RAPGEF3: variants seen among roughly 807,000 people sequenced by gnomAD.
RAPGEF3 encodes the protein 9330170P05Rik.
RAPGEF3 carries 103 observed loss-of-function variants against 129.8 expected under a neutral mutation model. The ratio of observed to expected loss-of-function variants is 0.79; its 90% CI spans 0.68 to 0.93. The LOEUF is 0.93. RAPGEF3 is among the 40% of genes least tolerant of loss of function. The pLI is 0.00. For synonymous variants in RAPGEF3, 436 were observed against 482.6 expected (o/e 0.90, Z 1.26); for missense variants, 1,117 against 1,207.4 (o/e 0.93, Z 1.11).
In RAPGEF3 at chr12:47,737,661, C is replaced by A. The variant is rs755827558; in HGVS notation, c.2678G>T (p.Arg893Leu). Residue 893 changes from arginine (R) to leucine (L), a missense_variant, in exon 28 of 28, where the codon CGG becomes CTG. Physicochemically the swap from Arg to Leu is moderately radical, Grantham distance 102 (BLOSUM62 -2). This residue lies in a region of RAPGEF3 where 643 missense variants were observed against 673.4 expected (regional missense o/e 0.95). Transcript: ENST00000449771. ...ATAAGCCCAGGTGCTGGCTGGACTC[C>A]GGGTGCTCAGGGACTGCTCCGAGCC... ...STCSEQSLST[R>L]SPASTWAYVQ... 2.5e-6 allele frequency: 4 copies of A among 1,613,286 alleles called. No individual in the cohort carries two copies. Among genetic ancestry groups the A allele is most frequent in the Admixed American group, 1.7e-5 (1 of 59,958 alleles).
At chr12:47,746,370 C>T (rs1941418348) in intron 16 of RAPGEF3, 2 of 445,558 alleles carry the variant, frequency 4.5e-6, no homozygotes, top group Non-Finnish European at 4.0e-6. Flanking sequence ...AGTTCTTTCT[C>T]CCACCATTCC....
chr12:47,741,897 A>G (rs999866820), intron 18 of RAPGEF3: 10 of 437,474 alleles, frequency 2.3e-5, no homozygotes, highest in Non-Finnish European at 4.2e-5. Context: ...AGACAATAAG[A>G]CTTGCCCCAA....
chr12:47,743,386 C>T, intron 18 of RAPGEF3, 144 bp downstream of exon 18: 1 of 1,149,606 alleles, frequency 8.7e-7, no homozygotes, highest in Non-Finnish European at 1.2e-6. Context: ...AACAGACGCA[C>T]TCCACCTCCC....
At chr12:47,758,189 G>A in intron 1 of RAPGEF3, 111 bp from the exon 2 acceptor site, 1 of 1,447,588 alleles carries the variant, frequency 6.9e-7, no homozygotes, top group Non-Finnish European at 9.1e-7. Flanking sequence ...GGACTGGTCA[G>A]GCGGAGGTGC....
Position 47,735,735 on chromosome 12 carries a change from G to C in RAPGEF3, c.*1832C>G, listed in dbSNP as rs115665174. Reference sequence around the variant, plus strand: ...CGTGGCACTTGGTTTCTGTTGTGTCGCTGGGCTGGGCTCACCCTAGAGTCT... The same window carrying C: ...CGTGGCACTTGGTTTCTGTTGTGTCCCTGGGCTGGGCTCACCCTAGAGTCT... On this transcript the variant is annotated 3_prime_UTR_variant, in exon 28 of 28. Coordinates refer to ENST00000449771, the MANE Select transcript of RAPGEF3 (RefSeq NM_001098531.4). 1 of 152,574 alleles carries C rather than the reference G, an allele frequency of 6.6e-6. No homozygotes were observed. The highest frequency in any genetic ancestry group is 1.9e-4 in the East Asian group (1 of 5,184). The allele number at this position is 152,574 out of a possible 1,614,324, so 9.5% of individuals were successfully genotyped here.
Position 47,749,896 on chromosome 12 carries a change from C to T in RAPGEF3, c.817+34G>A, listed in dbSNP as rs373179910. On this transcript the variant is annotated intron_variant, in intron 8 of 27. Coordinates refer to ENST00000449771, the MANE Select transcript of RAPGEF3 (RefSeq NM_001098531.4). This position sits in a 1 kb window ranked among gnomAD's most constrained non-coding sequence, Gnocchi z 4.5. ...ACATCCTTCTGCCCATGTCCAGGCCCTGTGCCTGGCTTCTTATGCCCTGCT... is the reference window on the plus strand; with the variant it reads ...ACATCCTTCTGCCCATGTCCAGGCCTTGTGCCTGGCTTCTTATGCCCTGCT... 62 of 1,614,148 alleles carry T rather than the reference C, an allele frequency of 3.8e-5. 2 individuals are homozygous for T. In the African/African-American group the frequency reaches 7.6e-4, roughly 20 times the overall value.
intron 12 of RAPGEF3, 44 bp downstream of exon 12, chr12:47,748,410 C>T (rs756985398): frequency 1.3e-6 from 2 of 1,556,394 alleles, no homozygotes; most frequent in Non-Finnish European, 1.8e-6. Flanking sequence ...CTCCATGGAC[C>T]ACCCAATGAG....
chr12:47,741,124 T>C (rs1941138534), intron 19 of RAPGEF3, 84 bp from the exon 20 acceptor site: 4 of 1,468,490 alleles, frequency 2.7e-6, no homozygotes, highest in African/African-American at 1.4e-5. Context: ...GGGCAAGGAC[T>C]CTATGCTCGT....
rs1222965843 is a variant in RAPGEF3 at position 47,739,206 on chromosome 12, A to G, written c.2398T>C (p.Tyr800His). 1.2e-6 allele frequency: 2 copies of G among 1,612,080 alleles called. No individual in the cohort carries two copies. The highest frequency in any genetic ancestry group is 1.7e-6 in the Non-Finnish European group (2 of 1,178,718). ...GAGAGCTTGGCGAGGGCCAGTCGGT[A>G]TACCCGGTGGTTCCATGAGGGATCC... Reference protein sequence around the residue: ...LLDPSWNHRVYRLALAKLSPP... With the variant: ...LLDPSWNHRVHRLALAKLSPP... Residue 800 changes from tyrosine to histidine, a missense_variant, in exon 24 of 28, where the codon TAC becomes CAC. By Grantham distance (83) the Tyr-to-His change is moderately conservative (BLOSUM62 2). Coordinates refer to ENST00000449771, the MANE Select transcript of RAPGEF3 (RefSeq NM_001098531.4).
In RAPGEF3 at chr12:47,743,602, CCT is replaced by C; in HGVS notation, c.1751_1752del (p.Glu584GlyfsTer25). ...TCCTCCTGGGCCAACGCTGCCATCACCTCTCTCACGGAGGCTGTCACAGGCAG... is the reference window on the plus strand; with the variant it reads ...TCCTCCTGGGCCAACGCTGCCATCACCTCTCACGGAGGCTGTCACAGGCAG... ...LQLPVTASVREVMAALAQEDG... is the reference protein window; with the variant it reads ...LQLPVTASVRXVMAALAQEDG... On this transcript the variant is annotated frameshift_variant, in exon 18 of 28. Transcript: ENST00000449771. LOFTEE classifies it high-confidence loss of function. 6.2e-7 allele frequency: 1 copy of C among 1,614,198 alleles called. No homozygotes were observed. Among genetic ancestry groups the C allele is most frequent in the South Asian group, 1.1e-5 (1 of 91,086 alleles).
intron 2 of RAPGEF3, 143 bp from the exon 3 acceptor site, chr12:47,752,112 CAA>C: frequency 1.2e-6 from 1 of 861,772 alleles, no homozygotes; most frequent in East Asian, 2.7e-5. Context: ...AGCAAATAAA[CAA>C]ATATTCACTC....
rs1942185374 is a variant in RAPGEF3, at chr12:47,757,924, C to T, written c.161G>A (p.Cys54Tyr). The T allele has an allele frequency of 1.3e-6, 2 of 1,556,842 alleles. No homozygotes were observed. Among genetic ancestry groups the T allele is most frequent in the East Asian group, 2.4e-5 (1 of 41,740 alleles). The change falls in exon 2 of 28, where the codon TGC (cysteine) becomes TAC (tyrosine). Residue 54 changes from cysteine to tyrosine, a missense_variant. By Grantham distance (194) the Cys-to-Tyr change is radical (BLOSUM62 -2). Transcript: ENST00000449771. The part of the protein sequence containing the change: ...VLRRMHRPRS[C>Y]SYQLLLEHQR... ...GTGCTCCAGCAGCAGCTGGTAGGAG[C>T]AGCTTCGGGGCCGGTGCATCCTTCT...
At chr12:47,750,093 G>T in intron 7 of RAPGEF3, 103 bp from the exon 8 acceptor site, 1 of 1,377,996 alleles carries the variant, frequency 7.3e-7, no homozygotes, top group Non-Finnish European at 1.0e-6. Context: ...AGTGCTGGGG[G>T]ACAAAGATGT....
Position 47,751,077 on chromosome 12 carries a change from G to C in RAPGEF3, c.642C>G (p.Asp214Glu), listed in dbSNP as rs757561510. ...AVALLSQRGP[D>E]ALLTVALRKP... is the part of the protein sequence containing the mutation. ...TTCGAAGTGCCACAGTGAGCAGGGC[G>C]TCAGGCCCCCGCTGGGAGAGCAGGG... Residue 214 changes from aspartate to glutamate, a missense_variant, in exon 6 of 28, where the codon GAC becomes GAG. Around this residue, in one of 3 missense-constraint regions of RAPGEF3, gnomAD observed 367 missense variants for 373.4 expected, o/e 0.98. Coordinates refer to ENST00000449771, the MANE Select transcript of RAPGEF3 (RefSeq NM_001098531.4). 1.3e-6 allele frequency: 2 copies of C among 1,596,194 alleles called. No homozygotes were observed. The highest frequency in any genetic ancestry group is 1.7e-6 in the Non-Finnish European group (2 of 1,172,422).
At position 47,749,286 on chromosome 12, in the gene RAPGEF3, C is replaced by T; in HGVS notation, c.1041+104G>A. The T allele has an allele frequency of 7.1e-7, 1 of 1,415,340 alleles. No homozygotes were observed. The highest frequency in any genetic ancestry group is 2.3e-5 in the East Asian group (1 of 43,690). The allele number at this position is 1,415,340 out of a possible 1,614,324, so 87.7% of individuals were successfully genotyped here. A position where few individuals can be genotyped will look rare whatever the true frequency, so the allele number is the denominator to read the frequency against. On this transcript the variant is annotated intron_variant, in intron 10 of 27. Coordinates refer to ENST00000449771, the MANE Select transcript of RAPGEF3 (RefSeq NM_001098531.4). This position sits in a 1 kb window ranked among gnomAD's most constrained non-coding sequence, Gnocchi z 4.5. ...AGCTGTCATAGCCCAGCATCTCTTA[C>T]CTGCCCTGCTTCTTACAGGCCCTCT...
intron 2 of RAPGEF3, among the ~76,000 whole-genome samples, chr12:47,753,176 G>T (rs1941854903): frequency 6.6e-6 from 1 of 152,318 alleles, no homozygotes; most frequent in African/African-American, 2.4e-5. Context: ...AGCAGGCATT[G>T]TCTGTCCTCT....
At position 47,748,873 on chromosome 12, in the gene RAPGEF3, T is replaced by TCCAGCA. The variant is rs1941584560; in HGVS notation, c.1094_1099dup (p.Val365_Leu366dup). 6.2e-7 allele frequency: 1 copy of TCCAGCA among 1,614,044 alleles called. No homozygotes were observed. The highest frequency in any genetic ancestry group is 2.2e-5 in the East Asian group (1 of 44,882). On this transcript the variant is annotated inframe_insertion, in exon 11 of 28. Coordinates refer to ENST00000449771, the MANE Select transcript of RAPGEF3 (RefSeq NM_001098531.4). ...AGGGCCGGCGCCCTGAGAGGCTCTC[T>TCCAGCA]CCAGCACCAGCACCACTTTGCCATG...
At chr12:47,753,113 C>T (rs1941850873) in intron 2 of RAPGEF3, among the ~76,000 whole-genome samples, 1 of 152,128 alleles carries the variant, frequency 6.6e-6, no homozygotes, top group Non-Finnish European at 1.5e-5. Flanking sequence ...CACAATCGCC[C>T]CCTTGATTTC....
In RAPGEF3 at chr12:47,739,231, C is replaced by G. The variant is rs752504203; in HGVS notation, c.2374-1G>C. On this transcript the variant is annotated splice_acceptor_variant, in intron 23 of 27. Coordinates refer to ENST00000449771, the MANE Select transcript of RAPGEF3 (RefSeq NM_001098531.4). LOFTEE classifies it high-confidence loss of function. The stretch of plus-strand genomic sequence containing the variant: ...ATACCCGGTGGTTCCATGAGGGATC[C>G]TAGGGGAAGAAGCCACACTGAGGGG... 3.7e-6 allele frequency: 6 copies of G among 1,607,742 alleles called. No homozygotes were observed. The highest frequency in any genetic ancestry group is 3.4e-6 in the Non-Finnish European group (4 of 1,174,770).
Sources: allele counts gnomAD v4.1 joint callset (sites outside exome capture counted in the v4.1 genomes callset), GRCh38; gene constraint gnomAD v4.1.1; regional missense constraint gnomAD v4.1.1; non-coding constraint Gnocchi (gnomAD v3.1); transcripts MANE v1.5; gene names NCBI Gene and HGNC (gene_info 2026-07-23, HGNC 2026-07-21).